FBXW10B: variants seen among roughly 807,000 people sequenced by gnomAD.
FBXW10B encodes the protein F-box and WD repeat domain containing protein 10B.
At chr17:15,596,253 C>T in the FBXW10B span, among the ~76,000 whole-genome samples, 1 of 151,928 alleles carries the variant, frequency 6.6e-6, no homozygotes, top group African/African-American at 2.4e-5. Flanking sequence ...AGGCCCTGAG[C>T]CCATATCTCA....
chr17:15,584,729 T>C, the FBXW10B span, among the ~76,000 whole-genome samples: 2 of 152,314 alleles, frequency 1.3e-5, no homozygotes, highest in African/African-American at 4.8e-5. Context: ...TTGCATGGCT[T>C]GTCAGCCTAC....
the FBXW10B span, chr17:15,613,999 G>A: frequency 8.3e-5 from 134 of 1,607,354 alleles, 3 homozygotes; most frequent in Non-Finnish European, 5.7e-5. Context: ...TATTCATTTC[G>A]GATATACACC....
chr17:15,566,572 T>G, the FBXW10B span, among the ~76,000 whole-genome samples: 1 of 151,290 alleles, frequency 6.6e-6, no homozygotes, highest in African/African-American at 2.4e-5. Context: ...TGTTTGTTTT[T>G]GTTTTTGAGA....
chr17:15,585,285 A>G, the FBXW10B span, among the ~76,000 whole-genome samples: 4 of 152,188 alleles, frequency 2.6e-5, no homozygotes, highest in Non-Finnish European at 5.9e-5. Flanking sequence ...AGGTCATATG[A>G]CGTATGAGGG....
the FBXW10B span, chr17:15,588,919 G>T: frequency 6.2e-7 from 1 of 1,613,996 alleles, no homozygotes; most frequent in Non-Finnish European, 8.5e-7. Context: ...GACCTTGGGG[G>T]TGAATCCACT....
At chr17:15,603,519 G>C in the FBXW10B span, among the ~76,000 whole-genome samples, 30 of 152,224 alleles carry the variant, frequency 2.0e-4, no homozygotes, top group Middle Eastern at 3.4e-3. Context: ...ATAAAACACA[G>C]TGGGTTTTAT....
At chr17:15,615,321 C>CTTTTTCT in the FBXW10B span, among the ~76,000 whole-genome samples, 1 of 88,732 alleles carries the variant, frequency 1.1e-5, no homozygotes, top group African/African-American at 5.7e-5. Flanking sequence ...TATTGGCTTT[C>CTTTTTCT]TTTTTTTTTT....
At chr17:15,593,207 A>C in the FBXW10B span, 5 of 1,480,366 alleles carry the variant, frequency 3.4e-6, no homozygotes, top group Non-Finnish European at 3.7e-6. Context: ...CACCCAGCCA[A>C]AATTGTAGAG....
chr17:15,612,892 G>A, the FBXW10B span: 1 of 1,562,906 alleles, frequency 6.4e-7, no homozygotes, highest in African/African-American at 1.4e-5. Flanking sequence ...CTCTGCAGGA[G>A]GAAGGGAAAA....
At chr17:15,575,436 C>T in the FBXW10B span, among the ~76,000 whole-genome samples, 2 of 149,226 alleles carry the variant, frequency 1.3e-5, no homozygotes, top group East Asian at 1.9e-4. Flanking sequence ...CTATTAAATT[C>T]GCTGCTCCAT....
the FBXW10B span, among the ~76,000 whole-genome samples, chr17:15,617,460 C>G: frequency 6.6e-6 from 1 of 152,168 alleles, no homozygotes; most frequent in African/African-American, 2.4e-5. Flanking sequence ...AGGCTCAATT[C>G]TCTTGCCTCC....
chr17:15,590,233 T>C, the FBXW10B span, among the ~76,000 whole-genome samples: 1 of 151,944 alleles, frequency 6.6e-6, no homozygotes, highest in East Asian at 1.9e-4. Flanking sequence ...AATTGTTATT[T>C]GTAAGGTGCT....
chr17:15,572,418 GTCA>G, the FBXW10B span: 28 of 152,336 alleles, frequency 1.8e-4, no homozygotes, highest in African/African-American at 6.3e-4. Context: ...TGATACTGCT[GTCA>G]TCATTGTTAC....
the FBXW10B span, among the ~76,000 whole-genome samples, chr17:15,579,693 A>G: frequency 6.6e-6 from 1 of 152,230 alleles, no homozygotes. Context: ...TCTTGACTTA[A>G]CATTTCATAG....
the FBXW10B span, among the ~76,000 whole-genome samples, chr17:15,590,846 G>A: frequency 6.6e-6 from 1 of 152,220 alleles, no homozygotes; most frequent in African/African-American, 2.4e-5. Context: ...CTGCCTATCT[G>A]ATGGAGACAC....
At chr17:15,619,340 A>G in the FBXW10B span, 2 of 1,613,866 alleles carry the variant, frequency 1.2e-6, no homozygotes, top group South Asian at 2.2e-5. Context: ...CAGAATGCCA[A>G]CTAGAAACCT....
At chr17:15,568,095 GT>G in the FBXW10B span, among the ~76,000 whole-genome samples, 1 of 152,210 alleles carries the variant, frequency 6.6e-6, no homozygotes, top group Non-Finnish European at 1.5e-5. Context: ...TGTTGTCTAT[GT>G]AGAAAAGCGT....
chr17:15,612,734 A>G, the FBXW10B span: 2 of 1,614,076 alleles, frequency 1.2e-6, no homozygotes, highest in South Asian at 2.2e-5. Context: ...GATGTTTCAC[A>G]CGCATGCTCT....
At chr17:15,579,173 A>ATAAATAAATAAATAAC in the FBXW10B span, among the ~76,000 whole-genome samples, 1 of 151,712 alleles carries the variant, frequency 6.6e-6, no homozygotes, top group African/African-American at 2.4e-5. Flanking sequence ...AAATAAATAA[A>ATAAATAAATAAATAAC]AAGGTGTCTG....
Sources: allele counts gnomAD v4.1 joint callset (sites outside exome capture counted in the v4.1 genomes callset), GRCh38; gene constraint gnomAD v4.1.1; transcripts MANE v1.5; gene names NCBI Gene and HGNC (gene_info 2026-07-23, HGNC 2026-07-21).